The following IQCM variants were observed in gnomAD, a reference collection of about 807,000 sequenced individuals.
IQCM encodes IQ domain-containing protein M.
A neutral mutation model predicts 57.6 loss-of-function variants in IQCM; 45 were observed. That is an observed-to-expected ratio of 0.78 (90% CI 0.62 to 1.00). The LOEUF (loss-of-function observed/expected upper bound fraction) is 1.00, where lower values mean the gene tolerates loss of function less well. Among genes scored for constraint, IQCM ranks in the 50% least tolerant of loss-of-function variants. The pLI, the probability that IQCM is intolerant of heterozygous loss-of-function variation, is 0.00. For missense variants in IQCM, 468 were observed against 511.6 expected, an observed-to-expected ratio of 0.91 and a Z score of 0.82; for synonymous variants, 148 against 158.9, an observed-to-expected ratio of 0.93 and a Z score of 0.51.
chr4:149,476,074 A>C (rs183567173), intron 12 of IQCM, among the ~76,000 whole-genome samples: 85 of 152,252 alleles, frequency 5.6e-4, no homozygotes, highest in African/African-American at 2.0e-3. Context: ...AGTAAAAAGA[A>C]AAAATAATGA....
At chr4:149,570,648 G>A (rs1751065483) in intron 9 of IQCM, among the ~76,000 whole-genome samples, 1 of 152,024 alleles carries the variant, frequency 6.6e-6, no homozygotes, top group African/African-American at 2.4e-5. Context: ...TGTGACACCA[G>A]GGGATTTATC....
chr4:149,728,229 A>G (rs923079180), intron 5 of IQCM, among the ~76,000 whole-genome samples: 2 of 152,218 alleles, frequency 1.3e-5, no homozygotes, highest in African/African-American at 2.4e-5. Context: ...AATTGCCTCA[A>G]ACTTCCCACT....
intron 12 of IQCM, among the ~76,000 whole-genome samples, chr4:149,546,022 A>T (rs1229020115): frequency 2.0e-5 from 3 of 151,974 alleles, no homozygotes; most frequent in Admixed American, 6.6e-5. Flanking sequence ...CCTGTGTCCA[A>T]GTGTTCTCAT....
chr4:149,718,543 T>C (rs1261964665), intron 5 of IQCM, among the ~76,000 whole-genome samples: 1 of 152,238 alleles, frequency 6.6e-6, no homozygotes, highest in Non-Finnish European at 1.5e-5. Context: ...TGTCTAGAAT[T>C]GAAATGTACT....
At chr4:149,504,651 C>T (rs1287416536) in intron 12 of IQCM, among the ~76,000 whole-genome samples, 1 of 152,116 alleles carries the variant, frequency 6.6e-6, no homozygotes, top group Non-Finnish European at 1.5e-5. Flanking sequence ...CAGTGGTTCA[C>T]GTCTGCAATC....
intron 12 of IQCM, among the ~76,000 whole-genome samples, chr4:149,510,613 C>A (rs1744306300): frequency 1.3e-5 from 2 of 152,016 alleles, no homozygotes; most frequent in African/African-American, 4.8e-5. Flanking sequence ...TACAGGATGC[C>A]ATATTATATT....
chr4:149,359,118 C>A (rs553403233), intron 13 of IQCM, among the ~76,000 whole-genome samples: 4 of 152,086 alleles, frequency 2.6e-5, no homozygotes, highest in Non-Finnish European at 5.9e-5. Flanking sequence ...CAGTTCATGT[C>A]ACTTGTGTGA....
At chr4:149,410,644 T>A (rs1403939124) in intron 13 of IQCM, among the ~76,000 whole-genome samples, 8 of 151,890 alleles carry the variant, frequency 5.3e-5, no homozygotes, top group African/African-American at 1.7e-4. Context: ...CTTTTTTTTT[T>A]AACAGGCAAA....
At chr4:149,632,317 CA>C (rs1248149916) in intron 7 of IQCM, among the ~76,000 whole-genome samples, 2 of 152,128 alleles carry the variant, frequency 1.3e-5, no homozygotes, top group Non-Finnish European at 2.9e-5. Flanking sequence ...CTTTAAAAAA[CA>C]AAAACTACCT....
At chr4:149,527,554 G>A (rs904377293) in intron 12 of IQCM, among the ~76,000 whole-genome samples, 2 of 152,190 alleles carry the variant, frequency 1.3e-5, no homozygotes, top group African/African-American at 2.4e-5. Context: ...TTCCAGAACT[G>A]TGAGAAATAT....
rs564952375 is a variant in IQCM, at chr4:149,402,808, T to G, written c.1390+30588A>C. ...CTTTATTTTTATGGTGCTTCACAAATTGCAAAGCAGTTTCACAAAAAAGGT... is the reference window on the plus strand; with the variant it reads ...CTTTATTTTTATGGTGCTTCACAAAGTGCAAAGCAGTTTCACAAAAAAGGT... On this transcript the variant is annotated intron_variant, in intron 13 of 13. Transcript: ENST00000636793. Among the ~76,000 whole-genome samples, 8 of 151,810 alleles carry G rather than the reference T, an allele frequency of 5.3e-5. No individual in the cohort carries two copies. In the South Asian group the frequency reaches 1.2e-3, roughly 24 times the overall value.
intron 12 of IQCM, among the ~76,000 whole-genome samples, chr4:149,441,247 A>G (rs1214333075): frequency 6.6e-6 from 1 of 152,214 alleles, no homozygotes; most frequent in African/African-American, 2.4e-5. Flanking sequence ...TAGAGTTGAC[A>G]CATCTAAATT....
intron 2 of IQCM, among the ~76,000 whole-genome samples, chr4:149,809,955 A>G (rs1054020366): frequency 6.6e-6 from 1 of 152,188 alleles, no homozygotes; most frequent in Non-Finnish European, 1.5e-5. Flanking sequence ...TCCTTAATAA[A>G]TACCGAGTGT....
chr4:149,548,921 A>T (rs1222890203), intron 11 of IQCM, among the ~76,000 whole-genome samples: 1 of 152,038 alleles, frequency 6.6e-6, no homozygotes, highest in Non-Finnish European at 1.5e-5. Context: ...ACACCTACTG[A>T]TCCATTTCAC....
At chr4:149,531,543 C>A (rs1040614127) in intron 12 of IQCM, among the ~76,000 whole-genome samples, 2 of 151,772 alleles carry the variant, frequency 1.3e-5, no homozygotes, top group African/African-American at 4.8e-5. Flanking sequence ...ATTTATCAAG[C>A]TTTTTTAAAA....
At chr4:149,723,723 A>T (rs866818990) in intron 5 of IQCM, among the ~76,000 whole-genome samples, 1 of 152,180 alleles carries the variant, frequency 6.6e-6, no homozygotes, top group South Asian at 2.1e-4. Flanking sequence ...ATCTATGTTC[A>T]TCAGACATAT....
At chr4:149,645,580 G>A (rs977624002) in intron 7 of IQCM, among the ~76,000 whole-genome samples, 2 of 152,166 alleles carry the variant, frequency 1.3e-5, no homozygotes, top group Non-Finnish European at 2.9e-5. Flanking sequence ...GGTGATGTGA[G>A]ACAGCTGTCC....
At chr4:149,524,607 C>T (rs184450226) in intron 12 of IQCM, among the ~76,000 whole-genome samples, 3 of 151,704 alleles carry the variant, frequency 2.0e-5, no homozygotes, top group Admixed American at 2.0e-4. Flanking sequence ...CTTAATACAC[C>T]TCTTTAAAAT....
At chr4:149,566,771 T>G (rs1211087147) in intron 9 of IQCM, among the ~76,000 whole-genome samples, 2 of 152,164 alleles carry the variant, frequency 1.3e-5, no homozygotes, top group Non-Finnish European at 2.9e-5. Context: ...ATACTATATC[T>G]CTAGATAATT....
Sources: allele counts gnomAD v4.1 joint callset (sites outside exome capture counted in the v4.1 genomes callset), GRCh38; gene constraint gnomAD v4.1.1; transcripts MANE v1.5; gene names NCBI Gene and HGNC (gene_info 2026-07-23, HGNC 2026-07-21).